Variants in PLA2G4C observed in about 807,000 individuals in gnomAD.
PLA2G4C encodes cytosolic phospholipase A2 gamma.
In PLA2G4C, 64 loss-of-function variants were observed where a neutral mutation model predicts 73.8. That is an observed-to-expected ratio of 0.87 (90% CI 0.71 to 1.07). PLA2G4C has a LOEUF of 1.07. Among genes scored for constraint, PLA2G4C ranks in the 50% least tolerant of loss-of-function variants. PLA2G4C has a pLI of 0.00. For missense variants in PLA2G4C, 622 were observed against 665.4 expected (o/e 0.93, Z 0.72); for synonymous variants, 254 against 252.1 (o/e 1.01, Z -0.07).
chr19:48,075,160 T>C (rs913479954), intron 11 of PLA2G4C, among the ~76,000 whole-genome samples: 12 of 136,690 alleles, frequency 8.8e-5, no homozygotes, highest in African/African-American at 3.4e-4. Context: ...TCCCATTTAT[T>C]TATTTATTTA....
At position 48,105,932 on chromosome 19, in the gene PLA2G4C, TCC is replaced by T. The variant is rs1568457529; in HGVS notation, c.9-490_9-489del. 1.7e-3 allele frequency among the ~76,000 whole-genome samples: 51 copies of T among 30,658 alleles called. 7 individuals are homozygous for T. Among genetic ancestry groups the T allele is most frequent in the African/African-American group, 5.6e-3 (25 of 4,476 alleles). 20.1% of individuals were successfully genotyped at this position (30,658 alleles called of 152,430 possible). Reference sequence around the variant, plus strand: ...CTCCCTCCCTCCCTCCCTCCCTCCCTCCCTCCCTCCCTCCCTTCTTTCTTTCT... The same window carrying T: ...CTCCCTCCCTCCCTCCCTCCCTCCCTCTCCCTCCCTCCCTTCTTTCTTTCT... On this transcript the variant is annotated intron_variant, in intron 2 of 16. Coordinates refer to ENST00000599921, the MANE Select transcript of PLA2G4C (RefSeq NM_003706.3).
intron 1 of PLA2G4C, 145 bp downstream of exon 1, chr19:48,110,342 T>G: frequency 2.2e-6 from 1 of 456,972 alleles, no homozygotes; most frequent in Non-Finnish European, 3.3e-6. Flanking sequence ...CGAGATGCTG[T>G]CTCAAAAAAA....
Position 48,067,820 on chromosome 19 carries a change from C to A in PLA2G4C, c.1073G>T (p.Gly358Val). The change falls in exon 13 of 17, where the codon GGG (glycine) becomes GTG (valine). Residue 358 changes from glycine to valine, a missense_variant. Physicochemically the swap from Gly to Val is moderately radical, Grantham distance 109. Transcript: ENST00000599921. ...TGICASKWEW[G>V]TTHNFLYKHG... Reference sequence around the variant, plus strand: ...TTTGTACAGGAAGTTGTGAGTGGTCCCCCATTCCCACTTTGAAGCGCAAAT... The same window carrying A: ...TTTGTACAGGAAGTTGTGAGTGGTCACCCATTCCCACTTTGAAGCGCAAAT... 1 of 1,611,866 alleles carries A rather than the reference C, an allele frequency of 6.2e-7. No homozygotes were observed. The highest frequency in any genetic ancestry group is 1.1e-5 in the South Asian group (1 of 91,028).
intron 11 of PLA2G4C, among the ~76,000 whole-genome samples, chr19:48,075,148 T>G (rs275054): frequency 6.8e-6 from 1 of 147,212 alleles, no homozygotes; most frequent in African/African-American, 2.5e-5. Flanking sequence ...GGAGGCAAAG[T>G]CTCCCATTTA....
At chr19:48,103,690 AAT>A (rs1409525567) in intron 4 of PLA2G4C, among the ~76,000 whole-genome samples, 2 of 152,186 alleles carry the variant, frequency 1.3e-5, no homozygotes, top group African/African-American at 4.8e-5. Flanking sequence ...GGATTAATGC[AAT>A]ACTTTATCAT....
At chr19:48,095,714 T>C (rs1283272992) in intron 6 of PLA2G4C, 110 bp from the exon 7 acceptor site, 3 of 1,115,122 alleles carry the variant, frequency 2.7e-6, no homozygotes, top group East Asian at 2.4e-5. Context: ...GACAGGAGAA[T>C]GTTAGAGATG....
intron 4 of PLA2G4C, 44 bp from the exon 5 acceptor site, chr19:48,099,904 G>A (rs1290146633): frequency 7.3e-7 from 1 of 1,363,234 alleles, no homozygotes; most frequent in East Asian, 2.3e-5. Flanking sequence ...TTTAAGTGTG[G>A]ACGATGAAGA....
At chr19:48,071,660 G>C (rs919882689) in intron 12 of PLA2G4C, among the ~76,000 whole-genome samples, 1 of 151,878 alleles carries the variant, frequency 6.6e-6, no homozygotes, top group Non-Finnish European at 1.5e-5. Context: ...GCCCAGGCTT[G>C]CTGGTCTTGA....
intron 12 of PLA2G4C, among the ~76,000 whole-genome samples, chr19:48,068,551 G>A (rs892046061): frequency 6.6e-6 from 1 of 151,586 alleles, no homozygotes; most frequent in African/African-American, 2.4e-5. Flanking sequence ...AATTAGCTGG[G>A]CATATTAATG....
chr19:48,063,621 C>T (rs1968289585), intron 13 of PLA2G4C, among the ~76,000 whole-genome samples: 1 of 141,762 alleles, frequency 7.1e-6, no homozygotes, highest in African/African-American at 2.6e-5. Context: ...CACAACACCA[C>T]CCCAACCATC....
At chr19:48,083,678 C>T (rs1201158881) in intron 10 of PLA2G4C, among the ~76,000 whole-genome samples, 1 of 151,966 alleles carries the variant, frequency 6.6e-6, no homozygotes, top group Non-Finnish European at 1.5e-5. Context: ...AACTCCTGAC[C>T]TCAGGTGATC....
At chr19:48,076,833 G>C (rs1007693142) in intron 11 of PLA2G4C, among the ~76,000 whole-genome samples, 4 of 152,126 alleles carry the variant, frequency 2.6e-5, no homozygotes, top group African/African-American at 7.2e-5. Flanking sequence ...AAGTTGCCCT[G>C]GAGGAACACT....
intron 10 of PLA2G4C, among the ~76,000 whole-genome samples, chr19:48,081,720 T>C (rs994774520): frequency 1.3e-5 from 2 of 149,770 alleles, no homozygotes; most frequent in Non-Finnish European, 3.0e-5. Context: ...GATCGCTCCA[T>C]TGCACTCCAG....
intron 11 of PLA2G4C, among the ~76,000 whole-genome samples, chr19:48,076,991 T>C (rs920177622): frequency 6.6e-6 from 1 of 152,218 alleles, no homozygotes; most frequent in Non-Finnish European, 1.5e-5. Flanking sequence ...ACAGAATTCA[T>C]CTGATACTTT....
intron 9 of PLA2G4C, among the ~76,000 whole-genome samples, chr19:48,088,157 G>A (rs755312457): frequency 1.3e-5 from 2 of 152,094 alleles, no homozygotes; most frequent in Non-Finnish European, 2.9e-5. Context: ...AATGAGTTAA[G>A]CTTCAAGAGT....
At chr19:48,104,878 T>C (rs1434402594) in intron 3 of PLA2G4C, among the ~76,000 whole-genome samples, 154 bp from the exon 4 acceptor site, 2 of 150,978 alleles carry the variant, frequency 1.3e-5, no homozygotes, top group Non-Finnish European at 3.0e-5. Flanking sequence ...AGGTCAGGAG[T>C]TCAAGACCAA....
intron 4 of PLA2G4C, chr19:48,103,882 C>G (rs963032929): frequency 6.6e-6 from 1 of 151,938 alleles, no homozygotes; most frequent in African/African-American, 2.4e-5. Flanking sequence ...GTTCCTAAAA[C>G]CCTTGGAATT....
intron 1 of PLA2G4C, among the ~76,000 whole-genome samples, chr19:48,109,269 CT>C (rs1180772298): frequency 6.6e-6 from 1 of 151,050 alleles, no homozygotes; most frequent in East Asian, 2.0e-4. Context: ...ACATAGGATT[CT>C]TTTTCGTTGT....
chr19:48,107,398 C>T (rs1044042362), intron 1 of PLA2G4C, among the ~76,000 whole-genome samples: 2 of 152,144 alleles, frequency 1.3e-5, no homozygotes, highest in African/African-American at 4.8e-5. Context: ...GTGGCTCATG[C>T]CTGTAATCCC....
Sources: allele counts gnomAD v4.1 joint callset (sites outside exome capture counted in the v4.1 genomes callset), GRCh38; gene constraint gnomAD v4.1.1; transcripts MANE v1.5; gene names NCBI Gene and HGNC (gene_info 2026-07-23, HGNC 2026-07-21).